Variants in ZBTB40 observed in about 807,000 individuals in gnomAD.
The protein encoded by ZBTB40 is zinc finger and BTB domain-containing protein 40.
ZBTB40 carries 60 observed loss-of-function variants against 117.5 expected under a neutral mutation model. That is an observed-to-expected ratio of 0.51 (90% CI 0.41 to 0.63). The LOEUF (loss-of-function observed/expected upper bound fraction) is 0.63. Among genes scored for constraint, ZBTB40 ranks in the 30% least tolerant of loss-of-function variants. The pLI is 0.00. For synonymous variants in ZBTB40, 525 were observed against 577.1 expected (o/e 0.91, Z 1.29); for missense variants, 1,287 against 1,498.5 (o/e 0.86, Z 2.33).
At chr1:22,449,824 A>G (rs1488549454), upstream of ZBTB40, among the ~76,000 whole-genome samples, 1 of 152,156 alleles carries the variant, frequency 6.6e-6, no homozygotes, top group Non-Finnish European at 1.5e-5. Context: ...AACAGGAGGG[A>G]CAGATGGTGC....
In ZBTB40 at chr1:22,506,086, A is replaced by G; in HGVS notation, c.1205A>G (p.Glu402Gly). 1 of 1,614,174 alleles carries G rather than the reference A, an allele frequency of 6.2e-7. No individual in the cohort carries two copies. The highest frequency in any genetic ancestry group is 1.1e-5 in the South Asian group (1 of 91,088). The change falls in exon 6 of 18, where the codon GAG becomes GGG. Residue 402 changes from glutamate (E) to glycine (G), a missense_variant. Glu to Gly is a moderately conservative substitution (Grantham distance 98, BLOSUM62 -2). Coordinates refer to ENST00000375647, the MANE Select transcript of ZBTB40 (RefSeq NM_014870.4). ...TGCTGTGAGGGCAGAACACCCAAGG[A>G]GACAATAGAAAATTTGTTGCACAGA... ...LNCCEGRTPK[E>G]TIENLLHRMT...
chr1:22,481,824 C>T (rs1638330016), intron 1 of ZBTB40, among the ~76,000 whole-genome samples: 2 of 120,822 alleles, frequency 1.7e-5, no homozygotes, highest in Admixed American at 1.8e-4. Context: ...AATCACATTA[C>T]ATTGGTGTAA....
At chr1:22,514,304 T>A (rs1639320483) in intron 12 of ZBTB40, among the ~76,000 whole-genome samples, 1 of 152,224 alleles carries the variant, frequency 6.6e-6, no homozygotes, top group African/African-American at 2.4e-5. Flanking sequence ...CCATTTCTCT[T>A]GATACTTAAA....
At chr1:22,468,692 TCTCA>T (rs1014183061) in intron 1 of ZBTB40, among the ~76,000 whole-genome samples, 2 of 131,010 alleles carry the variant, frequency 1.5e-5, no homozygotes, top group Admixed American at 9.0e-5. Flanking sequence ...AGAAATGGGG[TCTCA>T]CTCTGTTGCT....
intron 3 of ZBTB40, among the ~76,000 whole-genome samples, chr1:22,497,641 G>C (rs1356181103): frequency 6.6e-6 from 1 of 152,188 alleles, no homozygotes; most frequent in African/African-American, 2.4e-5. Context: ...AAGTGATACA[G>C]ATTGTCTACA....
chr1:22,445,892 A>G (rs954226169), intron 1 of ZBTB40, among the ~76,000 whole-genome samples: 1 of 151,874 alleles, frequency 6.6e-6, no homozygotes, highest in Non-Finnish European at 1.5e-5. Flanking sequence ...AACAACTACA[A>G]CACAACAACA....
At chr1:22,436,956 G>C (rs1305695682) in intron 1 of ZBTB40, among the ~76,000 whole-genome samples, 1 of 152,090 alleles carries the variant, frequency 6.6e-6, no homozygotes, top group Non-Finnish European at 1.5e-5. Flanking sequence ...TGGAGAGATG[G>C]GAAGATGGGC....
intron 1 of ZBTB40, among the ~76,000 whole-genome samples, chr1:22,431,780 G>A (rs769027361): frequency 2.0e-5 from 3 of 151,268 alleles, no homozygotes; most frequent in Non-Finnish European, 2.9e-5. Context: ...CTTTTTCTTT[G>A]TATGGATGCT....
intron 1 of ZBTB40, 83 bp from the exon 2 acceptor site, chr1:22,489,797 T>C: frequency 1.4e-6 from 1 of 740,030 alleles, no homozygotes; most frequent in Middle Eastern, 3.6e-4. Context: ...GTGAAATGCC[T>C]TTCTGTTCAT....
rs1488735664 is a variant in ZBTB40 at position 22,517,457 on chromosome 1, C to T, written c.2826C>T (p.Thr942=). 6.2e-7 allele frequency: 1 copy of T among 1,613,760 alleles called. No individual in the cohort carries two copies. The highest frequency in any genetic ancestry group is 1.1e-5 in the South Asian group (1 of 91,066). The change falls in exon 13 of 18, where the codon ACC becomes ACT. Residue 942 remains threonine, a synonymous_variant. Coordinates refer to ENST00000375647, the MANE Select transcript of ZBTB40 (RefSeq NM_014870.4). The part of the protein sequence containing the change: ...QANGLSIHLH[T]FHNIEDPYDC... ...ATGGCCTCTCCATCCATCTGCACAC[C>T]TTTCACAGTATGTAGAGACTGTGGA...
At chr1:22,446,065 G>A (rs1436559240) in intron 1 of ZBTB40, among the ~76,000 whole-genome samples, 2 of 152,032 alleles carry the variant, frequency 1.3e-5, no homozygotes, top group East Asian at 3.9e-4. Context: ...TAAATAAAGA[G>A]ATGGAAATTC....
rs1380972172 is a variant in ZBTB40, at chr1:22,526,055, AC to A, written c.3526-146del. On this transcript the variant is annotated intron_variant, in intron 17 of 17. Transcript: ENST00000375647. ...CTCTTTTGCATCGCCAGTGGGTTAG[AC>A]TTGCCTCTTCCCATTAGGCACATGT... 3.4e-6 allele frequency: 3 copies of A among 887,832 alleles called. No individual in the cohort carries two copies. In the African/African-American group the frequency reaches 4.9e-5, roughly 15 times the overall value. The allele number at this position is 887,832 out of a possible 1,614,324, so 55.0% of individuals were successfully genotyped here. A position where few individuals can be genotyped will look rare whatever the true frequency, so the allele number is the denominator to read the frequency against.
intron 15 of ZBTB40, among the ~76,000 whole-genome samples, chr1:22,522,035 G>A (rs1406968341): frequency 4.6e-5 from 7 of 152,162 alleles, no homozygotes; most frequent in Non-Finnish European, 1.0e-4. Flanking sequence ...CTCCAGGATG[G>A]CAGTTATTAA....
intron 1 of ZBTB40, among the ~76,000 whole-genome samples, chr1:22,468,080 C>A (rs1342049361): frequency 6.7e-6 from 1 of 149,826 alleles, no homozygotes; most frequent in Non-Finnish European, 1.5e-5. Context: ...CAGAGCAAGA[C>A]CCCATCTCAA....
chr1:22,453,901 C>G lies in ZBTB40; in HGVS notation c.-70+1897C>G, dbSNP rs1640942719. On this transcript the variant is annotated intron_variant, in intron 1 of 17. Transcript: ENST00000375647. ...ACAACCTGGTGTTTGCAGGTAAATACCAAGTAAACAAATCTAGGTCATTCA... is the reference window on the plus strand; with the variant it reads ...ACAACCTGGTGTTTGCAGGTAAATAGCAAGTAAACAAATCTAGGTCATTCA... Among the ~76,000 whole-genome samples the G allele has an allele frequency of 2.0e-5, 3 of 152,162 alleles. No individual in the cohort carries two copies. The South Asian group carries it at 6.2e-4, about 32-fold the overall frequency.
intron 13 of ZBTB40, among the ~76,000 whole-genome samples, chr1:22,518,407 C>T (rs1003131701): frequency 1.3e-5 from 2 of 152,214 alleles, no homozygotes; most frequent in African/African-American, 4.8e-5. Flanking sequence ...TGACACTCCA[C>T]GCCTGACACA....
chr1:22,434,125 G>A (rs1640638856), intron 1 of ZBTB40, among the ~76,000 whole-genome samples: 1 of 152,152 alleles, frequency 6.6e-6, no homozygotes, highest in South Asian at 2.1e-4. Context: ...CAGACTTCCA[G>A]AATTTTTCCT....
intron 1 of ZBTB40, among the ~76,000 whole-genome samples, chr1:22,429,085 C>G (rs1640542513): frequency 6.6e-6 from 1 of 152,108 alleles, no homozygotes; most frequent in Admixed American, 6.6e-5. Flanking sequence ...ATATTTTCTT[C>G]TTTAAGAAAT....
intron 1 of ZBTB40, among the ~76,000 whole-genome samples, chr1:22,467,338 A>G (rs1448045019): frequency 6.6e-6 from 1 of 152,198 alleles, no homozygotes; most frequent in East Asian, 1.9e-4. Context: ...GGACATTTTT[A>G]TAGCTTTAGA....
Sources: gnomAD v4.1 joint callset for allele counts (sites outside exome capture counted in the v4.1 genomes callset) on GRCh38, gnomAD v4.1.1 for gene constraint, MANE v1.5 for transcripts, NCBI Gene and HGNC (gene_info 2026-07-23, HGNC 2026-07-21) for gene names.